The following EYA4 variants were observed in gnomAD, a reference collection of about 807,000 sequenced individuals.
EYA4 encodes the protein protein phosphatase EYA4.
EYA4 carries 31 observed loss-of-function variants against 87.9 expected under a neutral mutation model. The observed-to-expected ratio is 0.35, with a 90% CI of 0.27 to 0.48. The LOEUF is 0.48. Among genes scored for constraint, EYA4 ranks in the 20% least tolerant of loss-of-function variants. EYA4 has a pLI of 0.99. For missense variants in EYA4, 678 were observed against 761.4 expected (o/e 0.89, Z 1.29); for synonymous variants, 263 against 270.6 (o/e 0.97, Z 0.28).
chr6:133,354,275 G>A (rs1272110779), intron 2 of EYA4, among the ~76,000 whole-genome samples: 1 of 152,094 alleles, frequency 6.6e-6, no homozygotes, highest in Non-Finnish European at 1.5e-5. Context: ...CAGAGAGGTG[G>A]AAGTTGTTAT....
At chr6:133,486,389 G>A (rs961334754) in intron 13 of EYA4, among the ~76,000 whole-genome samples, 2 of 152,024 alleles carry the variant, frequency 1.3e-5, no homozygotes, top group African/African-American at 2.4e-5. Context: ...ACGGCAGATG[G>A]GACAGAGATG....
chr6:133,508,477 A>G (rs1798844947), intron 14 of EYA4, among the ~76,000 whole-genome samples: 1 of 152,124 alleles, frequency 6.6e-6, no homozygotes, highest in Non-Finnish European at 1.5e-5. Flanking sequence ...GAGGATCTTA[A>G]TATTATTAGT....
chr6:133,469,078 C>G (rs914926757), intron 11 of EYA4, among the ~76,000 whole-genome samples: 2 of 152,012 alleles, frequency 1.3e-5, no homozygotes, highest in African/African-American at 2.4e-5. Flanking sequence ...ACTGCATAAG[C>G]CCTTCACCTT....
chr6:133,516,895 A>G (rs1329026145), intron 17 of EYA4, among the ~76,000 whole-genome samples: 1 of 152,042 alleles, frequency 6.6e-6, no homozygotes, highest in African/African-American at 2.4e-5. Context: ...CATGTACCAC[A>G]TTTTCTTTAT....
At position 133,528,709 on chromosome 6, in the gene EYA4, TCTC is replaced by T. The variant is rs764034147; in HGVS notation, c.1840-13_1840-11del. 6 of 1,583,368 alleles carry T rather than the reference TCTC, an allele frequency of 3.8e-6. No homozygotes were observed. In the East Asian group the frequency reaches 1.3e-4, roughly 35 times the overall value. ...TCCCCTTCTCTCTCCCATCCCTCCT[TCTC>T]CTAACCACACAGCACAACATGCCCT... is the stretch of plus-strand genomic sequence containing the variant. On this transcript the variant is annotated splice_polypyrimidine_tract_variant and intron_variant, in intron 19 of 19. Coordinates refer to ENST00000355286, the MANE Select transcript of EYA4 (RefSeq NM_004100.5).
At chr6:133,330,577 AC>A (rs1781859121) in intron 2 of EYA4, among the ~76,000 whole-genome samples, 1 of 47,848 alleles carries the variant, frequency 2.1e-5, no homozygotes, top group African/African-American at 1.3e-4. Flanking sequence ...ATACACACAC[AC>A]ACACACACAC....
At chr6:133,427,310 G>A (rs530333569) in intron 3 of EYA4, among the ~76,000 whole-genome samples, 6 of 152,276 alleles carry the variant, frequency 3.9e-5, no homozygotes, top group East Asian at 3.9e-4. Context: ...ACTTCTGAAC[G>A]TCATGATTTC....
chr6:133,477,862 A>G (rs1202190218), intron 11 of EYA4, among the ~76,000 whole-genome samples: 1 of 152,060 alleles, frequency 6.6e-6, no homozygotes, highest in Non-Finnish European at 1.5e-5. Flanking sequence ...ACATAAATAT[A>G]TATAATGTTT....
intron 14 of EYA4, among the ~76,000 whole-genome samples, chr6:133,510,972 A>C (rs185238231): frequency 1.3e-5 from 2 of 152,328 alleles, no homozygotes; most frequent in African/African-American, 4.8e-5. Context: ...ACTCCAGGGC[A>C]CTTCCAGTCA....
intron 2 of EYA4, among the ~76,000 whole-genome samples, chr6:133,341,283 T>A (rs1387862227): frequency 6.6e-6 from 1 of 152,210 alleles, no homozygotes. Context: ...TCCTGGCTTT[T>A]CCACTTACCT....
At chr6:133,354,374 T>C (rs551392211) in intron 2 of EYA4, among the ~76,000 whole-genome samples, 1 of 152,208 alleles carries the variant, frequency 6.6e-6, no homozygotes, top group South Asian at 2.1e-4. Context: ...GATGGTGACA[T>C]TGTTGAAAAG....
At chr6:133,467,988 C>G (rs1378718702) in intron 10 of EYA4, among the ~76,000 whole-genome samples, 1 of 151,798 alleles carries the variant, frequency 6.6e-6, no homozygotes, top group East Asian at 1.9e-4. Flanking sequence ...AAATCAAGGC[C>G]TCAGGTGGCA....
intron 2 of EYA4, among the ~76,000 whole-genome samples, chr6:133,323,489 TAA>T (rs1162996664): frequency 1.3e-5 from 2 of 152,198 alleles, no homozygotes; most frequent in Admixed American, 1.3e-4. Context: ...AAAAATTGCG[TAA>T]ACTTTGGTTA....
At chr6:133,311,804 T>G (rs1316766733) in intron 2 of EYA4, among the ~76,000 whole-genome samples, 4 of 152,102 alleles carry the variant, frequency 2.6e-5, no homozygotes, top group Non-Finnish European at 5.9e-5. Context: ...AACACTTGTG[T>G]CCAACACCGG....
intron 2 of EYA4, among the ~76,000 whole-genome samples, chr6:133,332,408 C>T (rs1474731179): frequency 2.0e-5 from 3 of 152,232 alleles, no homozygotes; most frequent in Admixed American, 1.3e-4. Context: ...TTTCAGAACA[C>T]CCCTGCTGTG....
rs746374232 is a variant in EYA4, at chr6:133,404,438, T to C, written c.83+21997T>C. 3.3e-5 allele frequency among the ~76,000 whole-genome samples: 5 copies of C among 152,302 alleles called. 1 individual carries two copies. The Middle Eastern group carries it at 0.01, about 311-fold the overall frequency. ...AGACAATACCTCCTCTTAACCAAGG[T>C]TGACAAGTAGCTACTCCTAGTTTAA... On this transcript the variant is annotated intron_variant, in intron 3 of 19. Transcript: ENST00000355286.
At chr6:133,505,377 C>T (rs1339209797) in intron 13 of EYA4, among the ~76,000 whole-genome samples, 4 of 152,142 alleles carry the variant, frequency 2.6e-5, no homozygotes, top group African/African-American at 9.7e-5. Context: ...AAAATTGAGT[C>T]ATTTTAACTC....
chr6:133,408,787 G>T (rs959667867), intron 3 of EYA4, among the ~76,000 whole-genome samples: 4 of 152,096 alleles, frequency 2.6e-5, no homozygotes, highest in Admixed American at 6.6e-5. Flanking sequence ...ATTATTCATG[G>T]TATTCACCAG....
At chr6:133,359,035 C>A (rs992370294) in intron 2 of EYA4, among the ~76,000 whole-genome samples, 1 of 152,054 alleles carries the variant, frequency 6.6e-6, no homozygotes, top group African/African-American at 2.4e-5. Context: ...AAAAAAAGGC[C>A]CTTTTTGTTT....
Sources: allele counts gnomAD v4.1 joint callset (sites outside exome capture counted in the v4.1 genomes callset), GRCh38; gene constraint gnomAD v4.1.1; transcripts MANE v1.5; gene names NCBI Gene and HGNC (gene_info 2026-07-23, HGNC 2026-07-21).